Variants in LRP1 observed in about 807,000 individuals in gnomAD.
LRP1 encodes the protein LDL receptor related protein 1.
LRP1 carries 51 observed loss-of-function variants against 541.5 expected under a neutral mutation model. The ratio of observed to expected loss-of-function variants is 0.09; its 90% CI spans 0.08 to 0.12. LRP1 has a LOEUF of 0.12. Ranked by LOEUF, LRP1 falls within the 10% of genes least tolerant of loss-of-function variation. The pLI is 1.00. For missense variants in LRP1, 3,878 were observed against 6,376.2 expected (o/e 0.61, Z 13.34); for synonymous variants, 2,219 against 2,470.8 (o/e 0.90, Z 3.02).
rs1390099037 is a variant in LRP1 at position 57,173,788 on chromosome 12, A to C, written c.3355A>C (p.Ile1119Leu). Residue 1119 changes from isoleucine to leucine, a missense_variant, in exon 22 of 89, where the codon ATC (isoleucine) becomes CTC (leucine). Around this residue, in one of 13 missense-constraint regions of LRP1, gnomAD observed 320 missense variants for 547.9 expected, o/e 0.58. Transcript: ENST00000243077. This position sits in a 1 kb window ranked among gnomAD's most constrained non-coding sequence, Gnocchi z 4.7. Reference sequence around the variant, plus strand: ...GTGCACCTGTCCCTCAGCTCGGTGCATCAGCAAAGCGTGGGTGTGTGATGG... The same window carrying C: ...GTGCACCTGTCCCTCAGCTCGGTGCCTCAGCAAAGCGTGGGTGTGTGATGG... ...KFGCKDSARCISKAWVCDGDN... is the reference protein window; with the variant it reads ...KFGCKDSARCLSKAWVCDGDN... The C allele has an allele frequency of 6.2e-7, 1 of 1,614,222 alleles. No individual in the cohort carries two copies.
intron 3 of LRP1, among the ~76,000 whole-genome samples, chr12:57,141,990 G>A (rs1027939352): frequency 1.3e-5 from 2 of 152,190 alleles, no homozygotes; most frequent in African/African-American, 4.8e-5. Context: ...GCAGATCTTT[G>A]AGGGGCCCTA....
At chr12:57,175,275 G>A (rs1414762759) in intron 22 of LRP1, among the ~76,000 whole-genome samples, 185 bp from the exon 23 acceptor site, 2 of 152,216 alleles carry the variant, frequency 1.3e-5, no homozygotes, top group Non-Finnish European at 1.5e-5. Flanking sequence ...TGGTCCTGAG[G>A]GAGCCCAGGA....
At chr12:57,182,516 TA>T (rs530599434) in intron 34 of LRP1, among the ~76,000 whole-genome samples, 1,503 of 113,768 alleles carry the variant, frequency 0.013, 24 homozygotes, top group East Asian at 0.12. Flanking sequence ...CCATCTCAAT[TA>T]AAAAAAAAAA....
Position 57,176,031 on chromosome 12 carries a change from C to T in LRP1, c.3916C>T (p.Leu1306Phe). 1 of 1,614,254 alleles carries T rather than the reference C, an allele frequency of 6.2e-7. No individual in the cohort carries two copies. Among genetic ancestry groups the T allele is most frequent in the Non-Finnish European group, 8.5e-7 (1 of 1,180,048 alleles). The change falls in exon 24 of 89, where the codon CTC becomes TTC. Residue 1306 changes from leucine to phenylalanine, a missense_variant. By Grantham distance (22) the Leu-to-Phe change is conservative. This residue lies in a region of LRP1 where 320 missense variants were observed against 547.9 expected (regional missense o/e 0.58). Coordinates refer to ENST00000243077, the MANE Select transcript of LRP1 (RefSeq NM_002332.3). ...LRNTIALDFH[L>F]SQSALYWTDV... ...CAACACCATCGCCCTGGACTTCCAC[C>T]TCAGCCAGAGCGCCCTCTACTGGAC...
At chr12:57,199,105 T>A (rs2036594838) in intron 60 of LRP1, 107 bp from the exon 61 acceptor site, 2 of 1,006,898 alleles carry the variant, frequency 2.0e-6, no homozygotes, top group Non-Finnish European at 3.0e-6. Context: ...TAACTGGGGC[T>A]GACACCCACC....
chr12:57,130,337 A>T (rs1031020961), intron 1 of LRP1, among the ~76,000 whole-genome samples: 60 of 151,848 alleles, frequency 4.0e-4, no homozygotes, highest in African/African-American at 1.3e-3. Context: ...GGGGGAGGAG[A>T]CTTACAGGGT....
intron 6 of LRP1, chr12:57,149,387 G>T: frequency 1.8e-6 from 1 of 541,362 alleles, no homozygotes; most frequent in South Asian, 2.4e-5. Flanking sequence ...CCAGCCCTGT[G>T]TCTCCCGGCC....
rs552443493 is a variant in LRP1, at chr12:57,192,986, G to C, written c.7555+16G>C. On this transcript the variant is annotated intron_variant, in intron 45 of 88. Transcript: ENST00000243077. The stretch of plus-strand genomic sequence containing the variant: ...ACCTGCCGAGGTGAGAGAGGCGGGG[G>C]GGAGGGGCTGGCGGGGAACCCAAGC... The C allele has an allele frequency of 1.9e-6, 3 of 1,610,948 alleles. No individual in the cohort carries two copies. Among genetic ancestry groups the C allele is most frequent in the Non-Finnish European group, 2.5e-6 (3 of 1,179,530 alleles).
chr12:57,181,907 A>C (rs2036173379), intron 34 of LRP1, among the ~76,000 whole-genome samples: 1 of 152,206 alleles, frequency 6.6e-6, no homozygotes, highest in African/African-American at 2.4e-5. Context: ...GGGGGACAGC[A>C]TTTCCCAAAA....
At chr12:57,175,852 G>T (rs1008599207) in intron 23 of LRP1, 57 bp from the exon 24 acceptor site, 3 of 1,596,092 alleles carry the variant, frequency 1.9e-6, no homozygotes, top group Non-Finnish European at 2.6e-6. Context: ...GCGCCAGGAC[G>T]GGTGGCACAC....
At chr12:57,140,269 C>G (rs2035261566) in intron 2 of LRP1, among the ~76,000 whole-genome samples, 1 of 152,046 alleles carries the variant, frequency 6.6e-6, no homozygotes, top group Non-Finnish European at 1.5e-5. Flanking sequence ...TTCCCAAATC[C>G]TTCTATCAGG....
rs2136731460 is a variant in LRP1 at position 57,195,951 on chromosome 12, C to T, written c.8649C>T (p.Asp2883=). The change falls in exon 54 of 89, where the codon GAC becomes GAT. Residue 2883 remains aspartate (D), a synonymous_variant. Transcript: ENST00000243077. ...AGTGGGAGTGTGATGGCGAGAATGA[C>T]TGCCACGACCAGAGTGACGAGGCTC... The part of the protein sequence containing the change: ...SRQWECDGEN[D]CHDQSDEAPK... 6.2e-7 allele frequency: 1 copy of T among 1,613,590 alleles called. No individual in the cohort carries two copies. Among genetic ancestry groups the T allele is most frequent in the East Asian group, 2.2e-5 (1 of 44,884 alleles).
chr12:57,181,134 C>T lies in LRP1; in HGVS notation c.5528-23C>T, dbSNP rs35896760. ...CAAGGAGGGCCACCTAACCCTTTCCCTCTGCCTCCCACCTGCCCCCAGACC... is the reference window on the plus strand; with the variant it reads ...CAAGGAGGGCCACCTAACCCTTTCCTTCTGCCTCCCACCTGCCCCCAGACC... On this transcript the variant is annotated intron_variant, in intron 33 of 88. Transcript: ENST00000243077. The T allele has an allele frequency of 1.6e-3, 2,593 of 1,608,730 alleles. 29 individuals are homozygous for T. The African/African-American group carries it at 0.032, about 20-fold the overall frequency.
rs751303020 is a variant in LRP1 at position 57,154,452 on chromosome 12, C to T, written c.1005-27C>T. 1.2e-6 allele frequency: 2 copies of T among 1,610,160 alleles called. No individual in the cohort carries two copies. Among genetic ancestry groups the T allele is most frequent in the African/African-American group, 2.7e-5 (2 of 74,972 alleles). ...GTAAGGAGGGTGCCCAATGTCCAGA[C>T]CCCATTTAACATGCATCTTCCCACA... On this transcript the variant is annotated intron_variant, in intron 7 of 88. Coordinates refer to ENST00000243077, the MANE Select transcript of LRP1 (RefSeq NM_002332.3). The surrounding 1 kb of genome is among the most constrained non-coding windows in gnomAD (Gnocchi z 4.6).
At position 57,173,783 on chromosome 12, in the gene LRP1, G is replaced by A. The variant is rs769492677; in HGVS notation, c.3350G>A (p.Arg1117Gln). 6.2e-6 allele frequency: 10 copies of A among 1,614,166 alleles called. No individual in the cohort carries two copies. The highest frequency in any genetic ancestry group is 2.2e-5 in the East Asian group (1 of 44,880). ...SVKFGCKDSARCISKAWVCDG... is the reference protein window; with the variant it reads ...SVKFGCKDSAQCISKAWVCDG... ...TCATAGTGCACCTGTCCCTCAGCTC[G>A]GTGCATCAGCAAAGCGTGGGTGTGT... The change falls in exon 22 of 89, where the codon CGG becomes CAG. Residue 1117 changes from arginine (R) to glutamine (Q), a missense_variant. By Grantham distance (43) the Arg-to-Gln change is conservative (BLOSUM62 1). Transcript: ENST00000243077. The surrounding 1 kb of genome is among the most constrained non-coding windows in gnomAD (Gnocchi z 4.7).
rs560161034 is a variant in LRP1 at position 57,183,506 on chromosome 12, C to A, written c.5790C>A (p.His1930Gln). 3 of 1,612,612 alleles carry A rather than the reference C, an allele frequency of 1.9e-6. No individual in the cohort carries two copies. The highest frequency in any genetic ancestry group is 2.7e-5 in the African/African-American group (2 of 74,904). Residue 1930 changes from histidine to glutamine, a missense_variant, in exon 35 of 89, where the codon CAC becomes CAA. His to Gln is a conservative substitution (Grantham distance 24). Coordinates refer to ENST00000243077, the MANE Select transcript of LRP1 (RefSeq NM_002332.3). The surrounding 1 kb of genome is among the most constrained non-coding windows in gnomAD (Gnocchi z 6.1). ...GTSLAVGIDF[H>Q]AENDTIYWVD... ...CGCTGGCTGTCGGCATCGACTTCCACGCTGGTGAGCCATTTGGTGGCAGAG... is the reference window on the plus strand; with the variant it reads ...CGCTGGCTGTCGGCATCGACTTCCAAGCTGGTGAGCCATTTGGTGGCAGAG...
chr12:57,166,982 C>T lies in LRP1; in HGVS notation c.2850C>T (p.Pro950=), dbSNP rs768410112. The T allele has an allele frequency of 3.7e-6, 6 of 1,614,082 alleles. No individual in the cohort carries two copies. In the Admixed American group the frequency reaches 1.0e-4, roughly 27 times the overall value. The change falls in exon 18 of 89, where the codon CCC becomes CCT. Residue 950 remains proline, a synonymous_variant. Coordinates refer to ENST00000243077, the MANE Select transcript of LRP1 (RefSeq NM_002332.3). ...CCTGTGCCAGTGGCCGCTGCATCCC[C>T]ATCTCCTGGACGTGTGATCTGGATG... ...QFSCASGRCI[P]ISWTCDLDDD...
chr12:57,176,209 C>G (rs1394732926), intron 24 of LRP1, 103 bp downstream of exon 24: 11 of 1,105,982 alleles, frequency 9.9e-6, no homozygotes, highest in Non-Finnish European at 1.4e-5. Flanking sequence ...GGCTTGGCTC[C>G]CCCATCCCCC....
At position 57,183,848 on chromosome 12, in the gene LRP1, T is replaced by A; in HGVS notation, c.5868T>A (p.Arg1956=). Residue 1956 remains arginine (R), a synonymous_variant, in exon 36 of 89, where the codon CGT becomes CGA. Transcript: ENST00000243077. The surrounding 1 kb of genome is among the most constrained non-coding windows in gnomAD (Gnocchi z 6.1). ...GGGCCAAGCGGGACCAGACGTGGCG[T>A]GAAGACGTGGTGACCAATGGCATTG... The part of the protein sequence containing the change: ...ISRAKRDQTW[R]EDVVTNGIGR... The A allele has an allele frequency of 6.2e-7, 1 of 1,614,160 alleles. No individual in the cohort carries two copies. The highest frequency in any genetic ancestry group is 8.5e-7 in the Non-Finnish European group (1 of 1,180,034).
Sources: gnomAD v4.1 joint callset for allele counts (sites outside exome capture counted in the v4.1 genomes callset) on GRCh38, gnomAD v4.1.1 for gene constraint, gnomAD v4.1.1 regional missense constraint, Gnocchi (gnomAD v3.1) non-coding constraint, MANE v1.5 for transcripts, NCBI Gene and HGNC (gene_info 2026-07-23, HGNC 2026-07-21) for gene names.